CR1: variants seen among roughly 807,000 people sequenced by gnomAD.
CR1 encodes the protein complement C3b/C4b receptor 1 (Knops blood group), also known as complement receptor type 1.
Under a neutral mutation model 187.3 loss-of-function variants are expected in CR1, and 116 were observed. The ratio of observed to expected loss-of-function variants is 0.62; its 90% CI spans 0.53 to 0.72. The LOEUF is 0.72. CR1 is among the 30% of genes least tolerant of loss of function. The pLI is 0.00. For synonymous variants in CR1, 576 were observed against 747.1 expected, an observed-to-expected ratio of 0.77 and a Z score of 3.73; for missense variants, 1,731 against 2,110.7, an observed-to-expected ratio of 0.82 and a Z score of 3.52.
At chr1:207,575,371 A>T (rs1660709413) in intron 27 of CR1, among the ~76,000 whole-genome samples, 1 of 152,236 alleles carries the variant, frequency 6.6e-6, no homozygotes. Context: ...TGAAGCCAAG[A>T]TATTAAGAAG....
intron 5 of CR1, 98 bp from the exon 6 acceptor site, chr1:207,526,655 T>G: frequency 1.4e-6 from 2 of 1,460,766 alleles, no homozygotes; most frequent in Non-Finnish European, 1.8e-6. Context: ...ACTTTATTAT[T>G]ATATATAGAT....
chr1:207,618,116 G>T lies in CR1; in HGVS notation c.6935G>T (p.Gly2312Val). 1 of 1,613,882 alleles carries T rather than the reference G, an allele frequency of 6.2e-7. No individual in the cohort carries two copies. Among genetic ancestry groups the T allele is most frequent in the South Asian group, 1.1e-5 (1 of 91,060 alleles). The change falls in exon 42 of 47, where the codon GGA becomes GTA. Residue 2312 changes from glycine (G) to valine (V), a missense_variant. Around this residue, in one of 5 missense-constraint regions of CR1, gnomAD observed 1,312 missense variants for 1,379.6 expected, o/e 0.95. Transcript: ENST00000367049. ...PKIQNGHYIG[G>V]HVSLYLPGMT... ...ATCCAAAACGGGCATTACATTGGAG[G>T]ACACGTATCTCTATATCTTCCTGGG...
intron 3 of CR1, among the ~76,000 whole-genome samples, chr1:207,509,322 C>T (rs562106762): frequency 6.6e-6 from 1 of 152,158 alleles, no homozygotes; most frequent in African/African-American, 2.4e-5. Context: ...ATCCACAACT[C>T]TCTCTTCCCC....
At chr1:207,507,610 C>G (rs530009779) in intron 3 of CR1, 7 of 152,290 alleles carry the variant, frequency 4.6e-5, no homozygotes, top group Admixed American at 1.3e-4. Context: ...TTAATAAGCA[C>G]TGGGGATTAA....
Position 207,506,707 on chromosome 1 carries a change from C to A in CR1, c.302-7C>A. On this transcript the variant is annotated splice_region_variant and splice_polypyrimidine_tract_variant and intron_variant, in intron 2 of 46. Transcript: ENST00000367049. ...CTTGGCTCCAAAATTCTGTTTCTTT[C>A]CTGTAGGTAAATCATGTCGTAATCC... 1.2e-6 allele frequency: 2 copies of A among 1,612,606 alleles called. No homozygotes were observed. The highest frequency in any genetic ancestry group is 1.1e-5 in the South Asian group (1 of 90,954).
intron 35 of CR1, among the ~76,000 whole-genome samples, chr1:207,595,699 C>T (rs1347020887): frequency 6.6e-6 from 1 of 150,902 alleles, no homozygotes; most frequent in Non-Finnish European, 1.5e-5. Flanking sequence ...GAAAAACTCC[C>T]ACAAAGCTGT....
chr1:207,601,878 TTGG>T (rs1181086633), intron 35 of CR1, among the ~76,000 whole-genome samples: 1 of 152,150 alleles, frequency 6.6e-6, no homozygotes, highest in Non-Finnish European at 1.5e-5. Flanking sequence ...TTTTAATCTC[TTGG>T]TGGTATCTTT....
At chr1:207,617,948 A>C in intron 41 of CR1, 123 bp from the exon 42 acceptor site, 1 of 1,016,682 alleles carries the variant, frequency 9.8e-7, no homozygotes, top group East Asian at 2.6e-5. Context: ...GTGGCTTATG[A>C]CCTGGCTGGT....
intron 1 of CR1, among the ~76,000 whole-genome samples, chr1:207,497,544 C>A (rs369338895): frequency 6.6e-6 from 1 of 152,096 alleles, no homozygotes; most frequent in Non-Finnish European, 1.5e-5. Flanking sequence ...AACCAAGTCC[C>A]GCAAGAGTTG....
At chr1:207,504,742 C>A (rs769314247) in intron 1 of CR1, among the ~76,000 whole-genome samples, 1 of 152,128 alleles carries the variant, frequency 6.6e-6, no homozygotes, top group Non-Finnish European at 1.5e-5. Context: ...CTGGCAGAGA[C>A]TTTTTGAATG....
chr1:207,496,319 G>T lies in CR1; in HGVS notation c.52G>T (p.Gly18Cys). ...SPEPVGPPAP[G>C]LPFCCGGSLL... The stretch of plus-strand genomic sequence containing the variant: ...GGAGCCTGTCGGGCCGCCGGCGCCC[G>T]GTCTCCCCTTCTGCTGCGGAGGATC... The change falls in exon 1 of 47, where the codon GGT (glycine) becomes TGT (cysteine). Residue 18 changes from glycine (G) to cysteine (C), a missense_variant. Gly to Cys is a radical substitution (Grantham distance 159). Around this residue, in one of 5 missense-constraint regions of CR1, gnomAD observed 237 missense variants for 240.4 expected, o/e 0.99. Transcript: ENST00000367049. The T allele has an allele frequency of 1.9e-6, 3 of 1,613,584 alleles. No homozygotes were observed. Among genetic ancestry groups the T allele is most frequent in the Non-Finnish European group, 2.5e-6 (3 of 1,179,824 alleles).
Position 207,590,675 on chromosome 1 carries a change from TAA to T in CR1, c.5810+1903_5810+1904del, listed in dbSNP as rs1661243488. ...AAAAGACACTGACTGGCAAATTGGA[TAA>T]AGAGTCAAGACCCATTGGTGTGCTG... On this transcript the variant is annotated intron_variant, in intron 35 of 46. Transcript: ENST00000367049. 3.9e-5 allele frequency among the ~76,000 whole-genome samples: 6 copies of T among 152,168 alleles called. No individual in the cohort carries two copies. The South Asian group carries it at 1.2e-3, about 32-fold the overall frequency.
In CR1 at chr1:207,633,762, C is replaced by T. The variant is rs150182880; in HGVS notation, c.7457+3141C>T. On this transcript the variant is annotated intron_variant, in intron 46 of 46. Coordinates refer to ENST00000367049, the MANE Select transcript of CR1 (RefSeq NM_000651.6). ...AATTGAGAAATTTTTCATGCACGTC[C>T]CTGTGAAGAGATCACCAAACAGGCT... 1.6e-4 allele frequency among the ~76,000 whole-genome samples: 25 copies of T among 152,264 alleles called. No homozygotes were observed. In the East Asian group the frequency reaches 3.7e-3, roughly 22 times the overall value.
intron 45 of CR1, among the ~76,000 whole-genome samples, 177 bp downstream of exon 45, chr1:207,623,245 T>G (rs1167190280): frequency 6.7e-6 from 1 of 150,146 alleles, no homozygotes; most frequent in African/African-American, 2.5e-5. Context: ...AGGAAGTATA[T>G]AGGATACTAA....
At chr1:207,519,767 G>A (rs1409527560) in intron 4 of CR1, among the ~76,000 whole-genome samples, 6 of 152,314 alleles carry the variant, frequency 3.9e-5, no homozygotes, top group Admixed American at 3.3e-4. Context: ...AGGATTTACC[G>A]ACAGAAAAAG....
At chr1:207,520,949 C>CA (rs1479807141) in intron 4 of CR1, among the ~76,000 whole-genome samples, 3 of 109,458 alleles carry the variant, frequency 2.7e-5, no homozygotes, top group Admixed American at 8.7e-5. Context: ...TGGGTTTGCA[C>CA]ATTTTTTTTT....
chr1:207,580,414 C>A lies in CR1; in HGVS notation c.5111C>A (p.Ala1704Glu), dbSNP rs776361283. 2 of 1,613,536 alleles carry A rather than the reference C, an allele frequency of 1.2e-6. No homozygotes were observed. The highest frequency in any genetic ancestry group is 1.7e-6 in the Non-Finnish European group (2 of 1,179,658). ...TGGAGCCCTGAAGCCCCGAGATGTG[C>A]AGGTGCCTCAACTCTCTGGCTTCCA... The part of the protein sequence containing the change: ...GDWSPEAPRC[A>E]VKSCDDFLGQ... Residue 1704 changes from alanine (A) to glutamate (E), a missense_variant and splice_region_variant, in exon 30 of 47, where the codon GCA (alanine) becomes GAA (glutamate). This residue lies in a region of CR1 where 1,312 missense variants were observed against 1,379.6 expected (regional missense o/e 0.95). Transcript: ENST00000367049.
At chr1:207,630,388 G>A (rs143673714) in intron 45 of CR1, 129 bp from the exon 46 acceptor site, 250 of 564,790 alleles carry the variant, frequency 4.4e-4, no homozygotes, top group Non-Finnish European at 6.2e-4. Context: ...CCTTTCAGAC[G>A]TCTTGCAAAG....
chr1:207,604,477 A>G (rs1661690652), intron 35 of CR1, among the ~76,000 whole-genome samples: 1 of 152,192 alleles, frequency 6.6e-6, no homozygotes, highest in Admixed American at 6.5e-5. Flanking sequence ...TCTTTGATAC[A>G]CACGGATTTT....
Sources: gnomAD v4.1 joint callset for allele counts (sites outside exome capture counted in the v4.1 genomes callset) on GRCh38, gnomAD v4.1.1 for gene constraint, gnomAD v4.1.1 regional missense constraint, MANE v1.5 for transcripts, NCBI Gene and HGNC (gene_info 2026-07-23, HGNC 2026-07-21) for gene names.